The following UNC5D variants were observed in gnomAD, a reference collection of about 807,000 sequenced individuals.
UNC5D encodes the protein netrin receptor UNC5D.
Under a neutral mutation model 105.4 loss-of-function variants are expected in UNC5D, and 39 were observed. The observed-to-expected ratio is 0.37, with a 90% CI of 0.29 to 0.48. The LOEUF is 0.48. UNC5D is among the 20% of genes least tolerant of loss of function. The pLI is 0.98. For missense variants in UNC5D, 991 were observed against 1,202.4 expected (o/e 0.82, Z 2.60); for synonymous variants, 452 against 450.4 (o/e 1.00, Z -0.04).
Position 35,411,065 on chromosome 8 carries a change from T to C in UNC5D, c.104-138227T>C, listed in dbSNP as rs1462657488. Among the ~76,000 whole-genome samples, 4 of 152,086 alleles carry C rather than the reference T, an allele frequency of 2.6e-5. No individual in the cohort carries two copies. In the East Asian group the frequency reaches 7.7e-4, roughly 29 times the overall value. On this transcript the variant is annotated intron_variant, in intron 1 of 16. Coordinates refer to ENST00000404895, the MANE Select transcript of UNC5D (RefSeq NM_080872.4). ...TATTTATGTTATTCCTGCATCCAGATGGAAAATATTGGTAGACCTGGGAGA... is the reference window on the plus strand; with the variant it reads ...TATTTATGTTATTCCTGCATCCAGACGGAAAATATTGGTAGACCTGGGAGA...
intron 4 of UNC5D, among the ~76,000 whole-genome samples, chr8:35,641,450 T>A (rs960898467): frequency 6.7e-6 from 1 of 149,888 alleles, no homozygotes; most frequent in African/African-American, 2.5e-5. Context: ...GGGTGTCTGA[T>A]CAGATCTTTG....
At chr8:35,301,904 G>A (rs1807987363) in intron 1 of UNC5D, among the ~76,000 whole-genome samples, 3 of 152,114 alleles carry the variant, frequency 2.0e-5, no homozygotes, top group African/African-American at 4.8e-5. Flanking sequence ...AATTATTGAC[G>A]CAGGCAGGAT....
Position 35,240,304 on chromosome 8 carries a change from G to C in UNC5D, c.103+4417G>C, listed in dbSNP as rs1328347535. On this transcript the variant is annotated intron_variant, in intron 1 of 16. Transcript: ENST00000404895. ...CCGGCATAAGACCTATTATCATGTTGTTAGCACTCTTTTTGTATTGTACCT... is the reference window on the plus strand; with the variant it reads ...CCGGCATAAGACCTATTATCATGTTCTTAGCACTCTTTTTGTATTGTACCT... 2.6e-5 allele frequency among the ~76,000 whole-genome samples: 4 copies of C among 152,016 alleles called. No individual in the cohort carries two copies. The South Asian group carries it at 8.3e-4, about 31-fold the overall frequency.
intron 16 of UNC5D, 81 bp downstream of exon 16, chr8:35,774,558 TTCTGAGCCCTAATATTTTTATGAGTTCC>T: frequency 6.6e-7 from 1 of 1,511,188 alleles, no homozygotes; most frequent in South Asian, 1.3e-5. Flanking sequence ...ACCATGTAGT[TTCTGAGCCCTAATATTTTTATGAGTTCC>T]TCTGGCCATA....
At chr8:35,290,777 C>T (rs1478642774) in intron 1 of UNC5D, among the ~76,000 whole-genome samples, 1 of 151,892 alleles carries the variant, frequency 6.6e-6, no homozygotes, top group Non-Finnish European at 1.5e-5. Flanking sequence ...GGAGAAACCC[C>T]ATCTCTACTA....
chr8:35,287,803 CA>C (rs994885521), intron 1 of UNC5D, among the ~76,000 whole-genome samples: 1 of 150,406 alleles, frequency 6.6e-6, no homozygotes, highest in Non-Finnish European at 1.5e-5. Flanking sequence ...GACCCTGTCT[CA>C]AAAAAAATGA....
At chr8:35,403,245 GC>G (rs1400940616) in intron 1 of UNC5D, among the ~76,000 whole-genome samples, 1 of 152,188 alleles carries the variant, frequency 6.6e-6, no homozygotes, top group Non-Finnish European at 1.5e-5. Context: ...TATAAAAGCT[GC>G]ATTCAGGGCA....
chr8:35,687,100 A>G (rs888045016), intron 7 of UNC5D, among the ~76,000 whole-genome samples: 1 of 152,164 alleles, frequency 6.6e-6, no homozygotes, highest in Non-Finnish European at 1.5e-5. Flanking sequence ...CATTTAATAC[A>G]TCTTTAGAGA....
chr8:35,735,135 G>A (rs1829399560), intron 11 of UNC5D, among the ~76,000 whole-genome samples: 1 of 152,100 alleles, frequency 6.6e-6, no homozygotes, highest in African/African-American at 2.4e-5. Flanking sequence ...AATCAACAAT[G>A]TCATTTCAGA....
chr8:35,503,628 C>T (rs1812110782), intron 1 of UNC5D, among the ~76,000 whole-genome samples: 1 of 152,150 alleles, frequency 6.6e-6, no homozygotes, highest in South Asian at 2.1e-4. Context: ...TATTCACATT[C>T]TCTCAAGAAG....
chr8:35,304,590 G>A (rs1408200306), intron 1 of UNC5D, among the ~76,000 whole-genome samples: 1 of 152,050 alleles, frequency 6.6e-6, no homozygotes, highest in Non-Finnish European at 1.5e-5. Context: ...ATGCGTGCAT[G>A]TGTGTGTTTT....
intron 1 of UNC5D, among the ~76,000 whole-genome samples, chr8:35,296,707 C>T (rs1807517207): frequency 6.6e-6 from 1 of 152,174 alleles, no homozygotes; most frequent in African/African-American, 2.4e-5. Context: ...AGGCATGAGC[C>T]ACCATGCCTG....
At chr8:35,569,707 A>G (rs560715187) in intron 3 of UNC5D, among the ~76,000 whole-genome samples, 1 of 152,116 alleles carries the variant, frequency 6.6e-6, no homozygotes, top group East Asian at 1.9e-4. Context: ...GAGAGAGAGA[A>G]TATGTTTGCA....
At chr8:35,303,742 G>A (rs1808135427) in intron 1 of UNC5D, among the ~76,000 whole-genome samples, 1 of 152,070 alleles carries the variant, frequency 6.6e-6, no homozygotes, top group Non-Finnish European at 1.5e-5. Flanking sequence ...TGAAGAGGAG[G>A]CAGGCCTTCT....
intron 4 of UNC5D, among the ~76,000 whole-genome samples, chr8:35,628,002 G>A (rs1318700742): frequency 6.6e-6 from 1 of 152,084 alleles, no homozygotes; most frequent in Admixed American, 6.6e-5. Context: ...TGTGGTTGAG[G>A]GAACAAGGTG....
chr8:35,635,775 A>G (rs1443095365), intron 4 of UNC5D, among the ~76,000 whole-genome samples: 4 of 152,344 alleles, frequency 2.6e-5, no homozygotes, highest in African/African-American at 9.6e-5. Flanking sequence ...TGTAGAAACT[A>G]AAGATCAAAA....
intron 1 of UNC5D, among the ~76,000 whole-genome samples, chr8:35,515,488 C>G (rs1813044803): frequency 6.6e-6 from 1 of 152,138 alleles, no homozygotes; most frequent in Non-Finnish European, 1.5e-5. Context: ...AGTTCGAGAC[C>G]AGCCTGGCCA....
At chr8:35,510,036 G>T (rs1273249770) in intron 1 of UNC5D, among the ~76,000 whole-genome samples, 1 of 152,126 alleles carries the variant, frequency 6.6e-6, no homozygotes, top group Non-Finnish European at 1.5e-5. Flanking sequence ...CATCATTCAA[G>T]AACCTCCAGT....
intron 1 of UNC5D, among the ~76,000 whole-genome samples, chr8:35,295,678 T>C (rs960803095): frequency 1.3e-5 from 2 of 152,202 alleles, no homozygotes; most frequent in Non-Finnish European, 2.9e-5. Context: ...GCTTTTTTTG[T>C]AGGTGTGGTG....
Sources: gnomAD v4.1 joint callset for allele counts (sites outside exome capture counted in the v4.1 genomes callset) on GRCh38, gnomAD v4.1.1 for gene constraint, MANE v1.5 for transcripts, NCBI Gene and HGNC (gene_info 2026-07-23, HGNC 2026-07-21) for gene names.